ANAPC10: variants seen among roughly 807,000 people sequenced by gnomAD.
ANAPC10 encodes the protein anaphase promoting complex subunit 10.
A neutral mutation model predicts 22.0 loss-of-function variants in ANAPC10; 12 were observed. The ratio of observed to expected loss-of-function variants is 0.55; its 90% confidence interval spans 0.35 to 0.88. ANAPC10 has a LOEUF of 0.88. Ranked by LOEUF, ANAPC10 falls within the 40% of genes least tolerant of loss-of-function variation. The pLI, the probability that ANAPC10 is intolerant of heterozygous loss-of-function variation, is 0.01. For missense variants in ANAPC10, 188 were observed against 220.9 expected, an observed-to-expected ratio of 0.85 and a Z score of 0.94; for synonymous variants, 65 against 69.5, an observed-to-expected ratio of 0.94 and a Z score of 0.32.
At chr4:145,079,007 T>C (rs1020797687) in intron 3 of ANAPC10, among the ~76,000 whole-genome samples, 1 of 151,860 alleles carries the variant, frequency 6.6e-6, no homozygotes, top group Non-Finnish European at 1.5e-5. Flanking sequence ...CCAAAAGCAA[T>C]TAAAACAAAA....
intron 4 of ANAPC10, among the ~76,000 whole-genome samples, chr4:145,001,200 G>GA (rs960960133): frequency 1.7e-5 from 2 of 119,110 alleles, no homozygotes; most frequent in South Asian, 3.1e-4. Context: ...ATGAAAGAAA[G>GA]AAAGAAGGAA....
intron 3 of ANAPC10, among the ~76,000 whole-genome samples, chr4:145,064,984 C>CA (rs532339160): frequency 5.7e-4 from 87 of 152,002 alleles, no homozygotes; most frequent in Admixed American, 9.2e-4. Flanking sequence ...CTTTATCATG[C>CA]AAACAAGCAT....
chr4:145,009,899 GA>G (rs923732812), intron 4 of ANAPC10, among the ~76,000 whole-genome samples: 30 of 152,238 alleles, frequency 2.0e-4, no homozygotes, highest in African/African-American at 7.2e-4. Context: ...TACAAAATGG[GA>G]GAAAATTTTT....
chr4:145,051,367 C>T (rs1449492120), intron 4 of ANAPC10, among the ~76,000 whole-genome samples: 1 of 152,040 alleles, frequency 6.6e-6, no homozygotes, highest in Non-Finnish European at 1.5e-5. Context: ...TTAAGAATCA[C>T]CGATCACAGA....
chr4:145,001,121 C>T (rs1732479748), intron 4 of ANAPC10, among the ~76,000 whole-genome samples: 1 of 151,090 alleles, frequency 6.6e-6, no homozygotes. Context: ...CAACATGGTA[C>T]ATGTATACCT....
At chr4:145,001,601 A>C (rs1232150808) in intron 4 of ANAPC10, among the ~76,000 whole-genome samples, 1 of 152,216 alleles carries the variant, frequency 6.6e-6, no homozygotes, top group Admixed American at 6.5e-5. Context: ...AATGGGTCAC[A>C]AAATCAGCAC....
intron 3 of ANAPC10, among the ~76,000 whole-genome samples, chr4:145,071,886 A>G (rs1334707277): frequency 6.6e-6 from 1 of 152,182 alleles, no homozygotes; most frequent in Non-Finnish European, 1.5e-5. Context: ...AGTACAGAGA[A>G]CATCAATGCT....
At chr4:145,013,804 C>G (rs1734707373) in intron 4 of ANAPC10, among the ~76,000 whole-genome samples, 1 of 152,152 alleles carries the variant, frequency 6.6e-6, no homozygotes, top group Non-Finnish European at 1.5e-5. Context: ...CACCCCCAAG[C>G]ACACACTCCT....
chr4:145,065,902 T>C lies in ANAPC10; in HGVS notation c.207-1210A>G, dbSNP rs149059502. ...TTTCGTGGGATGGGACCATAGGAGATCTTTATTTTCTTCTTTATGATTTTT... is the reference window on the plus strand; with the variant it reads ...TTTCGTGGGATGGGACCATAGGAGACCTTTATTTTCTTCTTTATGATTTTT... On this transcript the variant is annotated intron_variant, in intron 3 of 4. Transcript: ENST00000507656. 4.1e-3 allele frequency among the ~76,000 whole-genome samples: 628 copies of C among 152,034 alleles called. 9 individuals are homozygous for C. Among genetic ancestry groups the C allele is most frequent in the African/African-American group, 0.014 (582 of 41,520 alleles).
chr4:145,000,088 A>C (rs1214331140), intron 4 of ANAPC10, among the ~76,000 whole-genome samples: 2 of 152,186 alleles, frequency 1.3e-5, no homozygotes, highest in African/African-American at 4.8e-5. Flanking sequence ...TAGACCTAAA[A>C]CCATAAAAAC....
At chr4:145,004,077 T>C (rs1341929528) in intron 4 of ANAPC10, among the ~76,000 whole-genome samples, 2 of 152,144 alleles carry the variant, frequency 1.3e-5, no homozygotes, top group East Asian at 3.9e-4. Flanking sequence ...CGTGTATTCC[T>C]AGGCAGGTTT....
At chr4:145,021,638 C>T (rs541895689) in intron 4 of ANAPC10, among the ~76,000 whole-genome samples, 2 of 152,216 alleles carry the variant, frequency 1.3e-5, no homozygotes, top group Non-Finnish European at 2.9e-5. Context: ...TGACCAAGAA[C>T]CCCAAAGCAA....
chr4:145,014,583 C>T (rs1578910130), intron 4 of ANAPC10, among the ~76,000 whole-genome samples: 1 of 152,130 alleles, frequency 6.6e-6, no homozygotes, highest in African/African-American at 2.4e-5. Flanking sequence ...CCCTATACTA[C>T]CACAGCTGAT....
intron 3 of ANAPC10, among the ~76,000 whole-genome samples, chr4:145,073,076 T>C (rs1162466343): frequency 6.6e-6 from 1 of 152,200 alleles, no homozygotes; most frequent in Admixed American, 6.5e-5. Flanking sequence ...AAGTTTTTTA[T>C]AGAGACAGAA....
At chr4:145,002,561 T>TAAA (rs1025745625) in intron 4 of ANAPC10, among the ~76,000 whole-genome samples, 7 of 152,218 alleles carry the variant, frequency 4.6e-5, no homozygotes, top group African/African-American at 1.7e-4. Context: ...ACTTATTTTT[T>TAAA]AAAAAAGACG....
intron 4 of ANAPC10, among the ~76,000 whole-genome samples, chr4:145,000,713 A>G (rs1210144076): frequency 2.6e-5 from 4 of 152,212 alleles, no homozygotes; most frequent in South Asian, 4.1e-4. Flanking sequence ...TACCCAAAGG[A>G]TTATAAATCA....
intron 2 of ANAPC10, among the ~76,000 whole-genome samples, chr4:145,084,172 A>C (rs1746522308): frequency 6.6e-6 from 1 of 152,320 alleles, no homozygotes; most frequent in East Asian, 1.9e-4. Flanking sequence ...TGTTCCACGT[A>C]ATCCAAACAT....
At chr4:145,015,760 C>T (rs1383238967) in intron 4 of ANAPC10, among the ~76,000 whole-genome samples, 1 of 152,118 alleles carries the variant, frequency 6.6e-6, no homozygotes, top group Non-Finnish European at 1.5e-5. Context: ...ACTCTACAAG[C>T]TAGAAGAGAT....
At chr4:145,061,004 AGC>A in intron 4 of ANAPC10, among the ~76,000 whole-genome samples, 1 of 152,120 alleles carries the variant, frequency 6.6e-6, no homozygotes, top group Non-Finnish European at 1.5e-5. Flanking sequence ...AACAATTTAA[AGC>A]AACATCCAAA....
Sources: allele counts gnomAD v4.1 joint callset (sites outside exome capture counted in the v4.1 genomes callset), GRCh38; gene constraint gnomAD v4.1.1; transcripts MANE v1.5; gene names NCBI Gene and HGNC (gene_info 2026-07-23, HGNC 2026-07-21).